Variants in ICA1L observed in about 807,000 individuals in gnomAD.
ICA1L encodes the protein islet cell autoantigen 1-like protein.
In ICA1L, 50 loss-of-function variants were observed where a neutral mutation model predicts 61.3. The ratio of observed to expected loss-of-function variants is 0.82; its 90% confidence interval spans 0.65 to 1.03. The LOEUF (loss-of-function observed/expected upper bound fraction) is 1.03. ICA1L is among the 50% of genes least tolerant of loss of function. The pLI is 0.00. For missense variants in ICA1L, 508 were observed against 556.7 expected (o/e 0.91, Z 0.88); for synonymous variants, 161 against 191.3 (o/e 0.84, Z 1.31).
intron 9 of ICA1L, among the ~76,000 whole-genome samples, chr2:202,806,206 AG>A (rs1693222364): frequency 6.6e-6 from 1 of 152,018 alleles, no homozygotes; most frequent in Non-Finnish European, 1.5e-5. Flanking sequence ...CCGCTTGAGG[AG>A]GGGAGAAAGG....
chr2:202,787,237 G>C (rs923630221), intron 11 of ICA1L, among the ~76,000 whole-genome samples: 2 of 152,206 alleles, frequency 1.3e-5, no homozygotes, highest in Non-Finnish European at 2.9e-5. Flanking sequence ...TATTAAATGG[G>C]AATATCCTGT....
chr2:202,782,215 C>T (rs1331918031), intron 12 of ICA1L, among the ~76,000 whole-genome samples: 3 of 151,884 alleles, frequency 2.0e-5, no homozygotes, highest in Admixed American at 6.6e-5. Context: ...GGTTTCCTGG[C>T]GTGCCTGTAA....
intron 1 of ICA1L, among the ~76,000 whole-genome samples, chr2:202,851,258 A>G (rs1249480977): frequency 4.0e-5 from 6 of 150,820 alleles, no homozygotes; most frequent in Non-Finnish European, 7.4e-5. Flanking sequence ...GAGAACATGC[A>G]GTGTTTGTTT....
At position 202,866,574 on chromosome 2, in the gene ICA1L, G is replaced by C. The variant is rs558393201; in HGVS notation, c.-8+5045C>G. Among the ~76,000 whole-genome samples, 13 of 152,266 alleles carry C rather than the reference G, an allele frequency of 8.5e-5. No individual in the cohort carries two copies. The South Asian group carries it at 2.7e-3, about 32-fold the overall frequency. ...ACAACCAGATATCCATATGTCAAAA[G>C]AATTGCTCAACTCTTAATTAACATC... is the stretch of plus-strand genomic sequence containing the variant. On this transcript the variant is annotated intron_variant, in intron 1 of 12. Coordinates refer to ENST00000358299, the MANE Select transcript of ICA1L (RefSeq NM_001288622.3).
In ICA1L at chr2:202,819,901, T is replaced by G; in HGVS notation, c.360-2A>C. On this transcript the variant is annotated splice_acceptor_variant, in intron 4 of 12. Transcript: ENST00000358299. LOFTEE classifies it high-confidence loss of function. ...GACAGAGGAGTACACAGGGCCAATC[T>G]AATGGCAGAGAGGTAAAAATCAGAG... is the stretch of plus-strand genomic sequence containing the variant. The G allele has an allele frequency of 3.1e-6, 5 of 1,612,156 alleles. No homozygotes were observed. The South Asian group carries it at 4.4e-5, about 14-fold the overall frequency.
chr2:202,796,079 A>C (rs899516174), intron 10 of ICA1L, among the ~76,000 whole-genome samples: 19 of 80,364 alleles, frequency 2.4e-4, no homozygotes, highest in Non-Finnish European at 4.3e-4. Flanking sequence ...CTTTGGGGGA[A>C]AAAAAAAAGG....
At chr2:202,799,294 C>T (rs895600998) in intron 9 of ICA1L, among the ~76,000 whole-genome samples, 7 of 152,202 alleles carry the variant, frequency 4.6e-5, no homozygotes, top group African/African-American at 1.7e-4. Flanking sequence ...TATTGTTTGT[C>T]TTTTTAATAA....
intron 2 of ICA1L, among the ~76,000 whole-genome samples, chr2:202,826,297 ACTG>A (rs1411072476): frequency 1.3e-5 from 2 of 152,146 alleles, no homozygotes; most frequent in Non-Finnish European, 1.5e-5. Context: ...TTTCATTACT[ACTG>A]CTGCTAATTG....
intron 2 of ICA1L, among the ~76,000 whole-genome samples, chr2:202,826,369 A>G (rs1283948409): frequency 6.6e-6 from 1 of 152,180 alleles, no homozygotes; most frequent in African/African-American, 2.4e-5. Flanking sequence ...AGCACGTGAA[A>G]ATTTGAGATG....
chr2:202,830,519 A>T (rs192546680), intron 1 of ICA1L, among the ~76,000 whole-genome samples: 4 of 152,378 alleles, frequency 2.6e-5, no homozygotes, highest in African/African-American at 9.6e-5. Context: ...ATGTAAAAAG[A>T]ATAAATACTA....
chr2:202,819,831 G>C lies in ICA1L; in HGVS notation c.428C>G (p.Ser143Cys). Residue 143 changes from serine (S) to cysteine (C), a missense_variant, in exon 5 of 13, where the codon TCT (serine) becomes TGT (cysteine). Transcript: ENST00000358299. Reference sequence around the variant, plus strand: ...CCGATTAATTGTCATCAAGGTATCAGATACTGCCCTTTGACTGAATGTTGC... The same window carrying C: ...CCGATTAATTGTCATCAAGGTATCACATACTGCCCTTTGACTGAATGTTGC... ...EVATFSQRAV[S>C]DTLMTINRME... is the part of the protein sequence containing the mutation. 1.9e-6 allele frequency: 3 copies of C among 1,614,138 alleles called. No homozygotes were observed. The highest frequency in any genetic ancestry group is 2.5e-6 in the Non-Finnish European group (3 of 1,179,998).
intron 1 of ICA1L, among the ~76,000 whole-genome samples, chr2:202,870,273 T>C (rs1426643340): frequency 2.6e-5 from 4 of 152,220 alleles, no homozygotes; most frequent in African/African-American, 7.2e-5. Flanking sequence ...AATAAAAATA[T>C]GGCATCCTAC....
intron 1 of ICA1L, among the ~76,000 whole-genome samples, chr2:202,864,229 A>G (rs911926302): frequency 6.6e-6 from 1 of 152,066 alleles, no homozygotes; most frequent in African/African-American, 2.4e-5. Context: ...CATTACAAGA[A>G]AAGATTATTA....
chr2:202,831,633 A>G (rs1038273721), intron 1 of ICA1L, among the ~76,000 whole-genome samples: 10 of 152,276 alleles, frequency 6.6e-5, no homozygotes, highest in African/African-American at 2.4e-4. Context: ...CACTCTCTCC[A>G]TATCTCTTTG....
intron 2 of ICA1L, among the ~76,000 whole-genome samples, chr2:202,826,537 T>C (rs1440471592): frequency 6.6e-6 from 1 of 152,144 alleles, no homozygotes; most frequent in African/African-American, 2.4e-5. Flanking sequence ...AGTGGTGCAA[T>C]CTCGGCTCAC....
In ICA1L at chr2:202,777,467, C is replaced by T. The variant is rs995803785; in HGVS notation, c.*2066G>A. ...TCTTGGTGATTGGAACTTGGCAGAACAGTGACAGTATTACATTCTGGGAAA... is the reference window on the plus strand; with the variant it reads ...TCTTGGTGATTGGAACTTGGCAGAATAGTGACAGTATTACATTCTGGGAAA... On this transcript the variant is annotated 3_prime_UTR_variant, in exon 13 of 13. Transcript: ENST00000358299. The T allele has an allele frequency of 3.3e-5, 5 of 152,236 alleles. No homozygotes were observed. The highest frequency in any genetic ancestry group is 7.3e-5 in the Non-Finnish European group (5 of 68,030). 9.4% of individuals were successfully genotyped at this position (152,236 alleles called of 1,614,324 possible).
chr2:202,858,527 C>T (rs1194518286), intron 1 of ICA1L, among the ~76,000 whole-genome samples: 1 of 152,118 alleles, frequency 6.6e-6, no homozygotes, highest in Non-Finnish European at 1.5e-5. Flanking sequence ...GCATGCAGGG[C>T]TTAAAACCTA....
intron 12 of ICA1L, among the ~76,000 whole-genome samples, chr2:202,783,925 G>A (rs1372830384): frequency 1.3e-5 from 2 of 152,008 alleles, no homozygotes; most frequent in African/African-American, 2.4e-5. Context: ...GGAAGAAAGA[G>A]GATGAGTGTA....
intron 11 of ICA1L, 117 bp from the exon 12 acceptor site, chr2:202,786,124 A>G (rs1170964075): frequency 3.4e-6 from 2 of 587,508 alleles, no homozygotes; most frequent in South Asian, 2.5e-5. Flanking sequence ...GTAAGATTCT[A>G]TAAGAGGTAT....
Sources: gnomAD v4.1 joint callset for allele counts (sites outside exome capture counted in the v4.1 genomes callset) on GRCh38, gnomAD v4.1.1 for gene constraint, MANE v1.5 for transcripts, NCBI Gene and HGNC (gene_info 2026-07-23, HGNC 2026-07-21) for gene names.